Variants in TCTN2 observed in about 807,000 individuals in gnomAD.
The protein encoded by TCTN2 is tectonic-2.
TCTN2 carries 66 observed loss-of-function variants against 83.4 expected under a neutral mutation model. The ratio of observed to expected loss-of-function variants is 0.79; its 90% CI spans 0.65 to 0.97. The LOEUF is 0.97. TCTN2 is among the 50% of genes least tolerant of loss of function. TCTN2 has a pLI of 0.00. For synonymous variants in TCTN2, 301 were observed against 326.7 expected, an observed-to-expected ratio of 0.92 and a Z score of 0.85; for missense variants, 794 against 858.1, an observed-to-expected ratio of 0.93 and a Z score of 0.93.
chr12:123,688,588 GTTAC>G (rs1423868458), intron 7 of TCTN2, among the ~76,000 whole-genome samples: 2 of 151,904 alleles, frequency 1.3e-5, no homozygotes, highest in African/African-American at 4.8e-5. Context: ...CTCTTTTTAA[GTTAC>G]TTACTTTCCT....
intron 1 of TCTN2, 73 bp downstream of exon 1, chr12:123,671,395 A>G (rs1343088339): frequency 1.2e-5 from 19 of 1,596,196 alleles, no homozygotes; most frequent in Non-Finnish European, 1.5e-5. Context: ...CCAGACTTGG[A>G]CTCCCCCGGG....
At chr12:123,679,355 C>A in intron 5 of TCTN2, 66 bp downstream of exon 5, 1 of 1,387,694 alleles carries the variant, frequency 7.2e-7, no homozygotes, top group Non-Finnish European at 1.0e-6. Flanking sequence ...GTTCCACCAA[C>A]AGCTTTTTTC....
At chr12:123,698,365 GT>G (rs201162428) in intron 13 of TCTN2, among the ~76,000 whole-genome samples, 8,235 of 145,052 alleles carry the variant, frequency 0.057, 429 homozygotes, top group African/African-American at 0.14. Flanking sequence ...TTTTGTTTTT[GT>G]TTTTTTTTTT....
rs1454791255 is a variant in TCTN2 at position 123,704,549 on chromosome 12, C to G, written c.1630C>G (p.Pro544Ala). Residue 544 changes from proline to alanine, a missense_variant, in exon 15 of 18, where the codon CCA becomes GCA. Coordinates refer to ENST00000303372, the MANE Select transcript of TCTN2 (RefSeq NM_024809.5). ...LEIIRVDAPD[P>A]GADPLASSVN... ...TTCTATAGGTGTAGATGCCCCTGAT[C>G]CAGGTGCAGACCCGCTGGCTAGCAG... 5 of 1,612,536 alleles carry G rather than the reference C, an allele frequency of 3.1e-6. No homozygotes were observed. The highest frequency in any genetic ancestry group is 4.2e-6 in the Non-Finnish European group (5 of 1,179,486).
intron 15 of TCTN2, among the ~76,000 whole-genome samples, chr12:123,705,396 C>A (rs557128436): frequency 6.6e-6 from 1 of 152,210 alleles, no homozygotes; most frequent in East Asian, 1.9e-4. Context: ...CTCCTGACCT[C>A]ATGATCCGCC....
chr12:123,671,300 GA>G lies in TCTN2; in HGVS notation c.61del (p.Arg21GlyfsTer32). 1 of 1,613,882 alleles carries G rather than the reference GA, an allele frequency of 6.2e-7. No individual in the cohort carries two copies. Among genetic ancestry groups the G allele is most frequent in the Non-Finnish European group, 8.5e-7 (1 of 1,179,970 alleles). Reference protein sequence around the residue: ...LRLFLLQGILRLLWGDLAFIP... With the variant: ...LRLFLLQGILXLLWGDLAFIP... ...GGCTTTTCCTTCTGCAGGGCATCCT[GA>G]GGCTTCTGTGGGGGGACCTGGGTGT... On this transcript the variant is annotated frameshift_variant, in exon 1 of 18. Coordinates refer to ENST00000303372, the MANE Select transcript of TCTN2 (RefSeq NM_024809.5). LOFTEE classifies it high-confidence loss of function.
chr12:123,699,974 A>G, intron 14 of TCTN2, 164 bp downstream of exon 14: 1 of 689,084 alleles, frequency 1.5e-6, no homozygotes, highest in South Asian at 1.6e-5. Flanking sequence ...GAAACTTGGC[A>G]TGTCTTTTTC....
At chr12:123,684,185 C>A (rs986974866) in intron 5 of TCTN2, among the ~76,000 whole-genome samples, 3 of 152,000 alleles carry the variant, frequency 2.0e-5, no homozygotes, top group Admixed American at 1.3e-4. Context: ...AAGTACACAC[C>A]CATGAGCTCA....
chr12:123,687,133 AC>A, intron 6 of TCTN2, 98 bp downstream of exon 6: 13 of 1,398,580 alleles, frequency 9.3e-6, no homozygotes, highest in Non-Finnish European at 1.3e-5. Context: ...GTTTTTCCCA[AC>A]CCCTCTCCAG....
rs1470132148 is a variant in TCTN2 at position 123,672,137 on chromosome 12, G to A, written c.267+5G>A. 3 of 1,613,866 alleles carry A rather than the reference G, an allele frequency of 1.9e-6. No individual in the cohort carries two copies. The highest frequency in any genetic ancestry group is 3.3e-5 in the Admixed American group (2 of 59,998). On this transcript the variant is annotated splice_donor_5th_base_variant and intron_variant, in intron 3 of 17. Transcript: ENST00000303372. ...GTGACTGTGATCCCCGGTGCGGTAA[G>A]GCCAGAAGTAAACCTTCTCTGTAGC...
intron 13 of TCTN2, 32 bp downstream of exon 13, chr12:123,697,230 T>A: frequency 2.0e-6 from 3 of 1,468,720 alleles, no homozygotes; most frequent in Non-Finnish European, 1.9e-6. Context: ...ATATCGGCAA[T>A]GTGAATGGTT....
At chr12:123,690,818 C>A in intron 8 of TCTN2, 144 bp downstream of exon 8, 1 of 946,676 alleles carries the variant, frequency 1.1e-6, no homozygotes, top group Non-Finnish European at 1.6e-6. Flanking sequence ...AAGTTTAGTT[C>A]CGTAAGACAG....
intron 7 of TCTN2, 126 bp downstream of exon 7, chr12:123,688,303 C>T: frequency 7.9e-7 from 1 of 1,263,464 alleles, no homozygotes; most frequent in Non-Finnish European, 1.1e-6. Context: ...GCAACCTCTG[C>T]CTCCCGGGTT....
At position 123,671,506 on chromosome 12, in the gene TCTN2, GC is replaced by G; in HGVS notation, c.83del (p.Ala28ValfsTer25). On this transcript the variant is annotated frameshift_variant and splice_region_variant, in exon 2 of 18. Coordinates refer to ENST00000303372, the MANE Select transcript of TCTN2 (RefSeq NM_024809.5). LOFTEE classifies it high-confidence loss of function. ...GILRLLWGDL[A>X]FIPPFIRMSG... ...CCTTGTCCCCTTTCCTTCCCGCCTA[GC>G]TTTCATCCCTCCTTTTATCCGAATG... is the stretch of plus-strand genomic sequence containing the variant. 1 of 1,614,108 alleles carries G rather than the reference GC, an allele frequency of 6.2e-7. No homozygotes were observed. The highest frequency in any genetic ancestry group is 8.5e-7 in the Non-Finnish European group (1 of 1,179,964).
intron 13 of TCTN2, among the ~76,000 whole-genome samples, chr12:123,697,993 G>A (rs1956130543): frequency 6.6e-6 from 1 of 151,308 alleles, no homozygotes; most frequent in East Asian, 2.0e-4. Context: ...GCTTCCTAAA[G>A]TGCTGGGATT....
chr12:123,684,551 C>A (rs1003168709), intron 5 of TCTN2, among the ~76,000 whole-genome samples: 1 of 151,830 alleles, frequency 6.6e-6, no homozygotes, highest in African/African-American at 2.4e-5. Flanking sequence ...CAGGCATGCA[C>A]AACCACACCT....
intron 15 of TCTN2, 41 bp downstream of exon 15, chr12:123,704,729 A>G: frequency 6.2e-7 from 1 of 1,607,618 alleles, no homozygotes. Flanking sequence ...AGAGAGAGTC[A>G]GGAAAGTTGA....
chr12:123,695,491 G>C, intron 11 of TCTN2, 194 bp downstream of exon 11: 1 of 480,100 alleles, frequency 2.1e-6, no homozygotes, highest in South Asian at 2.3e-5. Context: ...GCGCAATCTC[G>C]GCTCACTGCA....
At chr12:123,698,415 T>C (rs1956135507) in intron 13 of TCTN2, among the ~76,000 whole-genome samples, 1 of 151,924 alleles carries the variant, frequency 6.6e-6, no homozygotes, top group South Asian at 2.1e-4. Context: ...TGGTATCTCA[T>C]TGTGGTTTTG....
Sources: allele counts gnomAD v4.1 joint callset (sites outside exome capture counted in the v4.1 genomes callset), GRCh38; gene constraint gnomAD v4.1.1; transcripts MANE v1.5; gene names NCBI Gene and HGNC (gene_info 2026-07-23, HGNC 2026-07-21).